The following PHF21A variants were observed in gnomAD, a reference collection of about 807,000 sequenced individuals.
PHF21A encodes PHD finger protein 21A, also known as BHC80a.
PHF21A carries 11 observed loss-of-function variants against 82.5 expected under a neutral mutation model. The ratio of observed to expected loss-of-function variants is 0.13; its 90% CI spans 0.08 to 0.22. The LOEUF is 0.22. PHF21A is among the 10% of genes least tolerant of loss of function. PHF21A has a pLI of 1.00. For synonymous variants in PHF21A, 297 were observed against 302.8 expected (o/e 0.98, Z 0.20); for missense variants, 579 against 837.8 (o/e 0.69, Z 3.81).
At chr11:45,984,665 C>T (rs2094435179) in intron 6 of PHF21A, among the ~76,000 whole-genome samples, 1 of 152,146 alleles carries the variant, frequency 6.6e-6, no homozygotes, top group Non-Finnish European at 1.5e-5. Flanking sequence ...AAGGACTGCC[C>T]CCACCCAATC....
intron 1 of PHF21A, among the ~76,000 whole-genome samples, chr11:46,095,418 T>C (rs1208993765): frequency 4.6e-5 from 7 of 152,208 alleles, no homozygotes; most frequent in African/African-American, 1.4e-4. Flanking sequence ...CATATTTGCT[T>C]AAATTTTTAA....
chr11:46,078,621 A>T (rs1305536616), intron 5 of PHF21A, among the ~76,000 whole-genome samples: 1 of 152,308 alleles, frequency 6.6e-6, no homozygotes, highest in East Asian at 1.9e-4. Context: ...GGTACTTTTT[A>T]ACCCTCCTTT....
At chr11:46,051,360 G>T (rs2096362451) in intron 6 of PHF21A, among the ~76,000 whole-genome samples, 1 of 152,160 alleles carries the variant, frequency 6.6e-6, no homozygotes, top group Admixed American at 6.5e-5. Flanking sequence ...CCAAAATACA[G>T]TTAGGTCATT....
At chr11:45,945,817 T>C (rs2091206271) in intron 15 of PHF21A, 23 bp downstream of exon 15, 2 of 1,549,494 alleles carry the variant, frequency 1.3e-6, no homozygotes, top group Non-Finnish European at 1.7e-6. Context: ...AGAAAGACAG[T>C]GTGCTTTTCC....
chr11:45,994,818 C>T (rs1284699039), intron 6 of PHF21A, among the ~76,000 whole-genome samples: 1 of 152,190 alleles, frequency 6.6e-6, no homozygotes, highest in Non-Finnish European at 1.5e-5. Flanking sequence ...TATTCACTGG[C>T]AACGTGACAC....
At chr11:45,963,018 C>T (rs1206120396) in intron 10 of PHF21A, among the ~76,000 whole-genome samples, 1 of 151,786 alleles carries the variant, frequency 6.6e-6, no homozygotes, top group African/African-American at 2.4e-5. Context: ...GTGAAGGCCA[C>T]GACAGGAAAA....
At chr11:45,954,410 T>A (rs1406093540) in intron 10 of PHF21A, among the ~76,000 whole-genome samples, 6 of 152,154 alleles carry the variant, frequency 3.9e-5, no homozygotes, top group Non-Finnish European at 8.8e-5. Flanking sequence ...CCAGTCATAA[T>A]CTCAGAGAGA....
At chr11:46,110,889 G>A (rs112575725) in intron 1 of PHF21A, among the ~76,000 whole-genome samples, 30,895 of 151,082 alleles carry the variant, frequency 0.2, 3,660 homozygotes, top group Non-Finnish European at 0.27. Context: ...GGGTTCAAGC[G>A]ATTCTCCTGC....
chr11:45,992,435 G>T (rs895196685), intron 6 of PHF21A, among the ~76,000 whole-genome samples: 3 of 152,132 alleles, frequency 2.0e-5, no homozygotes, highest in Admixed American at 6.5e-5. Context: ...AGCTACTCGG[G>T]AGGCTGAGGC....
At chr11:46,012,348 G>C (rs1480488571) in intron 6 of PHF21A, among the ~76,000 whole-genome samples, 1 of 152,042 alleles carries the variant, frequency 6.6e-6, no homozygotes, top group Non-Finnish European at 1.5e-5. Context: ...CTCCTTCTTA[G>C]ACCCTTTTAT....
intron 14 of PHF21A, 119 bp from the exon 15 acceptor site, chr11:45,946,122 T>C (rs1169943642): frequency 1.2e-6 from 2 of 1,610,588 alleles, no homozygotes; most frequent in African/African-American, 2.7e-5. Flanking sequence ...GGAAGTGAGG[T>C]AGCAGACAGA....
intron 6 of PHF21A, among the ~76,000 whole-genome samples, chr11:45,989,238 C>T (rs74628904): frequency 0.012 from 1,780 of 152,262 alleles, 37 homozygotes; most frequent in African/African-American, 0.04. Context: ...AATTTCAGAA[C>T]ACATTTGCTT....
chr11:46,016,924 G>A (rs1186593825), intron 6 of PHF21A, among the ~76,000 whole-genome samples: 2 of 151,840 alleles, frequency 1.3e-5, no homozygotes, highest in Non-Finnish European at 2.9e-5. Flanking sequence ...GTGCCCTGAT[G>A]TGATGAAGTC....
At chr11:46,074,704 C>A (rs571018059) in intron 6 of PHF21A, among the ~76,000 whole-genome samples, 1 of 152,084 alleles carries the variant, frequency 6.6e-6, no homozygotes, top group Non-Finnish European at 1.5e-5. Context: ...GGTTTTGCCA[C>A]GTTGGCCAGG....
chr11:45,955,093 T>C (rs917955936), intron 10 of PHF21A, among the ~76,000 whole-genome samples: 11 of 152,230 alleles, frequency 7.2e-5, no homozygotes, highest in African/African-American at 2.2e-4. Context: ...CCCACTGGTG[T>C]TCTCTCGTAT....
chr11:46,044,429 G>A (rs2096221230), intron 6 of PHF21A, among the ~76,000 whole-genome samples: 1 of 151,874 alleles, frequency 6.6e-6, no homozygotes, highest in African/African-American at 2.4e-5. Context: ...CAGTGACCCC[G>A]GTACTACTTT....
chr11:45,979,898 T>C lies in PHF21A; in HGVS notation c.222A>G (p.Ile74Met). The change falls in exon 7 of 19, where the codon ATA (isoleucine) becomes ATG (methionine). Residue 74 changes from isoleucine (I) to methionine (M), a missense_variant. By Grantham distance (10) the Ile-to-Met change is conservative. This residue lies in a region of PHF21A where 410 missense variants were observed against 642.1 expected (regional missense o/e 0.64). Transcript: ENST00000676320. ...VKQEQPDKFQIQPLPQSENKL... is the reference protein window; with the variant it reads ...VKQEQPDKFQMQPLPQSENKL... ...TGTTTTCAGATTGTGGCAATGGCTG[T>C]ATTTGGAACTTGTCCGGTTGTTCTT... The C allele has an allele frequency of 6.2e-7, 1 of 1,614,226 alleles. No homozygotes were observed. The highest frequency in any genetic ancestry group is 8.5e-7 in the Non-Finnish European group (1 of 1,180,036).
chr11:46,033,431 A>G (rs2095909979), intron 6 of PHF21A, among the ~76,000 whole-genome samples: 1 of 152,008 alleles, frequency 6.6e-6, no homozygotes, highest in Admixed American at 6.6e-5. Context: ...CATCTGGCTA[A>G]TTTTTGTATT....
chr11:46,064,866 T>G (rs1421467943), intron 6 of PHF21A, among the ~76,000 whole-genome samples: 1 of 152,258 alleles, frequency 6.6e-6, no homozygotes, highest in Non-Finnish European at 1.5e-5. Context: ...TGTATTGCTT[T>G]GGCAAAGAGT....
Sources: gnomAD v4.1 joint callset for allele counts (sites outside exome capture counted in the v4.1 genomes callset) on GRCh38, gnomAD v4.1.1 for gene constraint, gnomAD v4.1.1 regional missense constraint, MANE v1.5 for transcripts, NCBI Gene and HGNC (gene_info 2026-07-23, HGNC 2026-07-21) for gene names.